Variants in DLG2 observed in about 807,000 individuals in gnomAD.
DLG2 encodes the protein discs large MAGUK scaffold protein 2, also known as disks large homolog 2.
DLG2 carries 45 observed loss-of-function variants against 132.5 expected under a neutral mutation model. The observed-to-expected ratio is 0.34, with a 90% CI of 0.27 to 0.44. The LOEUF is 0.44. DLG2 is among the 20% of genes least tolerant of loss of function. The probability of loss-of-function intolerance (pLI) is 1.00; values close to 1 mark genes in which losing one functional copy is unlikely to be tolerated. For missense variants in DLG2, 1,045 were observed against 1,196.9 expected, an observed-to-expected ratio of 0.87 and a Z score of 1.87; for synonymous variants, 424 against 419.6, an observed-to-expected ratio of 1.01 and a Z score of -0.13.
chr11:84,887,237 A>G (rs1482216263), intron 6 of DLG2: 1 of 152,140 alleles, frequency 6.6e-6, no homozygotes, highest in Non-Finnish European at 1.5e-5. Context: ...TGCTCTACAA[A>G]TAGTATACTG....
At chr11:84,433,840 A>G (rs1348603999) in intron 7 of DLG2, among the ~76,000 whole-genome samples, 4 of 152,090 alleles carry the variant, frequency 2.6e-5, no homozygotes, top group Non-Finnish European at 5.9e-5. Flanking sequence ...TAGGTGTCCC[A>G]GCATGGTGGC....
At chr11:83,466,610 C>A (rs2091083433) in intron 26 of DLG2, 98 bp downstream of exon 26, 1 of 623,558 alleles carries the variant, frequency 1.6e-6, no homozygotes, top group South Asian at 2.8e-5. Context: ...TGGCATTTCC[C>A]ATTTGTAAGC....
Position 85,540,812 on chromosome 11 carries a change from A to C in DLG2, c.40+57845T>G, listed in dbSNP as rs116495312. Among the ~76,000 whole-genome samples, 791 of 152,362 alleles carry C rather than the reference A, an allele frequency of 5.2e-3. 5 individuals carry two copies. The highest frequency in any genetic ancestry group is 0.018 in the African/African-American group (731 of 41,588). On this transcript the variant is annotated intron_variant, in intron 3 of 27. Transcript: ENST00000376104. ...CCCAAAAACTGCCCATGACCTGCCC[A>C]TCTGTATGCTCCCCCTAGGGGTTTG...
At chr11:84,077,559 C>G (rs1158420957) in intron 10 of DLG2, among the ~76,000 whole-genome samples, 1 of 152,072 alleles carries the variant, frequency 6.6e-6, no homozygotes, top group Non-Finnish European at 1.5e-5. Flanking sequence ...AAAACAAAAA[C>G]AACTATGTGC....
chr11:84,619,429 C>T (rs1177247475), intron 6 of DLG2, among the ~76,000 whole-genome samples: 1 of 151,268 alleles, frequency 6.6e-6, no homozygotes, highest in East Asian at 1.9e-4. Flanking sequence ...ATGTTACATC[C>T]CTCTGAAACA....
chr11:84,164,136 G>A lies in DLG2; in HGVS notation c.574-625C>T, dbSNP rs57803795. Among the ~76,000 whole-genome samples, 446 of 152,192 alleles carry A rather than the reference G, an allele frequency of 2.9e-3. 4 individuals are homozygous for A. Among genetic ancestry groups the A allele is most frequent in the African/African-American group, 0.01 (429 of 41,514 alleles). On this transcript the variant is annotated intron_variant, in intron 8 of 27. Transcript: ENST00000376104. ...GACACATTTTGAAATGCTTAGTGAC[G>A]AATTGTTTCAACCATCCAACCAATC...
At chr11:85,486,765 G>T (rs1246095422) in intron 3 of DLG2, among the ~76,000 whole-genome samples, 1 of 151,536 alleles carries the variant, frequency 6.6e-6, no homozygotes, top group Non-Finnish European at 1.5e-5. Context: ...GCTGCCCAGG[G>T]CCTGAGTGCC....
chr11:84,649,908 T>C lies in DLG2; in HGVS notation c.358-115177A>G, dbSNP rs188372902. Among the ~76,000 whole-genome samples the C allele has an allele frequency of 3.4e-4, 52 of 152,280 alleles. No individual in the cohort carries two copies. In the East Asian group the frequency reaches 9.7e-3, roughly 28 times the overall value. On this transcript the variant is annotated intron_variant, in intron 6 of 27. Transcript: ENST00000376104. Reference sequence around the variant, plus strand: ...ACCTGCTCTTAAAGCTGCTCAGAAATCCTAGAGATGACTCTAGGAAGTTCC... The same window carrying C: ...ACCTGCTCTTAAAGCTGCTCAGAAACCCTAGAGATGACTCTAGGAAGTTCC...
chr11:85,310,448 C>T (rs954964919), intron 3 of DLG2, among the ~76,000 whole-genome samples: 8 of 152,296 alleles, frequency 5.3e-5, no homozygotes, highest in African/African-American at 1.7e-4. Flanking sequence ...TCCAAAGCTA[C>T]GCCCCAATCC....
chr11:85,508,013 T>C (rs1252732307), intron 3 of DLG2, among the ~76,000 whole-genome samples: 1 of 152,122 alleles, frequency 6.6e-6, no homozygotes, highest in Non-Finnish European at 1.5e-5. Flanking sequence ...CTGAAGCTTG[T>C]GCATGCATCA....
rs1358396649 is a variant in DLG2 at position 85,089,346 on chromosome 11, C to T, written c.357+22315G>A. Among the ~76,000 whole-genome samples, 6 of 152,200 alleles carry T rather than the reference C, an allele frequency of 3.9e-5. No individual in the cohort carries two copies. In the South Asian group the frequency reaches 1.2e-3, roughly 32 times the overall value. The stretch of plus-strand genomic sequence containing the variant: ...CCCCAGTTTTATGTCAATGTGCATC[C>T]AATGTTTAGCTCCCACTTATAAGTG... On this transcript the variant is annotated intron_variant, in intron 6 of 27. Transcript: ENST00000376104.
At chr11:84,640,565 A>G (rs1334160752) in intron 6 of DLG2, 4 of 283,924 alleles carry the variant, frequency 1.4e-5, no homozygotes, top group Non-Finnish European at 2.7e-5. Context: ...ATGATGAATA[A>G]GGTCTAAGAG....
intron 7 of DLG2, chr11:84,272,402 T>C: frequency 5.8e-6 from 2 of 342,008 alleles, no homozygotes. Context: ...TTAAGACTCT[T>C]CTCTCATAGC....
At chr11:85,301,638 CAAG>C (rs1174198293) in intron 3 of DLG2, among the ~76,000 whole-genome samples, 1 of 152,142 alleles carries the variant, frequency 6.6e-6, no homozygotes, top group Non-Finnish European at 1.5e-5. Context: ...GTGGCTTCTC[CAAG>C]AACACAAAGC....
rs920460420 is a variant in DLG2, at chr11:83,869,255, G to T, written c.1565+5165C>A. 2.8e-4 allele frequency among the ~76,000 whole-genome samples: 42 copies of T among 152,008 alleles called. 1 individual carries two copies. On this transcript the variant is annotated intron_variant, in intron 16 of 27. Transcript: ENST00000376104. Reference sequence around the variant, plus strand: ...CTGAGTACTTAGAGGAAAAAAAGACGAGTCTTTTAGGTCAGCATCATCCTG... The same window carrying T: ...CTGAGTACTTAGAGGAAAAAAAGACTAGTCTTTTAGGTCAGCATCATCCTG...
chr11:85,404,681 G>A (rs1045040582), intron 3 of DLG2, among the ~76,000 whole-genome samples: 64 of 152,084 alleles, frequency 4.2e-4, no homozygotes, highest in African/African-American at 1.5e-3. Flanking sequence ...TCAAAAAACA[G>A]TATCAGCACT....
At chr11:84,568,338 G>A (rs1054965043) in intron 6 of DLG2, among the ~76,000 whole-genome samples, 18 of 151,940 alleles carry the variant, frequency 1.2e-4, no homozygotes, top group African/African-American at 2.2e-4. Flanking sequence ...GCGAAACCCC[G>A]TCTCTACTAA....
chr11:84,615,616 T>G (rs1016882878), intron 6 of DLG2, among the ~76,000 whole-genome samples: 2 of 151,782 alleles, frequency 1.3e-5, no homozygotes, highest in East Asian at 3.9e-4. Context: ...CATATACTCT[T>G]CTAGTATCAT....
At chr11:83,872,181 T>C (rs1307654064) in intron 16 of DLG2, among the ~76,000 whole-genome samples, 1 of 152,228 alleles carries the variant, frequency 6.6e-6, no homozygotes, top group East Asian at 1.9e-4. Flanking sequence ...GAGAATCGCC[T>C]GAACCCAGAA....
Sources: gnomAD v4.1 joint callset for allele counts (sites outside exome capture counted in the v4.1 genomes callset) on GRCh38, gnomAD v4.1.1 for gene constraint, MANE v1.5 for transcripts, NCBI Gene and HGNC (gene_info 2026-07-23, HGNC 2026-07-21) for gene names.